SND1: variants seen among roughly 807,000 people sequenced by gnomAD.
SND1 encodes the protein staphylococcal nuclease domain-containing protein 1.
SND1 carries 38 observed loss-of-function variants against 121.7 expected under a neutral mutation model. That is an observed-to-expected ratio of 0.31 (90% CI 0.24 to 0.41). The LOEUF (loss-of-function observed/expected upper bound fraction) is 0.41. SND1 is among the 10% of genes least tolerant of loss of function. The pLI is 1.00. For synonymous variants in SND1, 401 were observed against 447.4 expected, an observed-to-expected ratio of 0.90 and a Z score of 1.31; for missense variants, 868 against 1,184.6, an observed-to-expected ratio of 0.73 and a Z score of 3.92.
chr7:127,858,576 T>C (rs1210476599), intron 12 of SND1: 4 of 374,550 alleles, frequency 1.1e-5, no homozygotes, highest in African/African-American at 2.1e-5. Flanking sequence ...AACACTGACA[T>C]TGGGTTTGGT....
At position 128,029,830 on chromosome 7, in the gene SND1, G is replaced by C; in HGVS notation, c.1779+38774G>C. ...GAGAGGTTATTGTGGGCCAAGTTGA[G>C]TTCCACAAGTGAAGCCAGCCCGTCA... On this transcript the variant is annotated intron_variant, in intron 16 of 23. Coordinates refer to ENST00000354725, the MANE Select transcript of SND1 (RefSeq NM_014390.4). The surrounding 1 kb of genome is among the most constrained non-coding windows in gnomAD (Gnocchi z 4.2). 6.2e-7 allele frequency: 1 copy of C among 1,613,660 alleles called. No homozygotes were observed. The highest frequency in any genetic ancestry group is 8.5e-7 in the Non-Finnish European group (1 of 1,180,038).
rs1562894473 is a variant in SND1, at chr7:128,085,972, G to A, written c.2304+192G>A. ...AAACTGGGGTCTATGACCAGTGGCT[G>A]CAAGCACTGATAGGTCCCGCATCCA... On this transcript the variant is annotated intron_variant, in intron 20 of 23. Transcript: ENST00000354725. The surrounding 1 kb of genome is among the most constrained non-coding windows in gnomAD (Gnocchi z 4.4). Among the ~76,000 whole-genome samples the A allele has an allele frequency of 6.6e-6, 1 of 152,202 alleles. No individual in the cohort carries two copies. The highest frequency in any genetic ancestry group is 2.1e-4 in the South Asian group (1 of 4,838).
intron 16 of SND1, among the ~76,000 whole-genome samples, chr7:128,039,277 T>C (rs1792807614): frequency 6.6e-6 from 1 of 152,204 alleles, no homozygotes; most frequent in Non-Finnish European, 1.5e-5. Flanking sequence ...TTATGGGCTG[T>C]CTATTGTGCA....
intron 16 of SND1, chr7:128,031,553 G>A (rs1225335940): frequency 6.6e-6 from 1 of 150,984 alleles, no homozygotes; most frequent in Non-Finnish European, 1.5e-5. Flanking sequence ...GACAAAAACG[G>A]GGGGTCAGTT....
chr7:127,966,621 T>C (rs1801859845), intron 15 of SND1, among the ~76,000 whole-genome samples: 1 of 80,692 alleles, frequency 1.2e-5, no homozygotes, highest in Non-Finnish European at 2.4e-5. Context: ...CATAACGAAA[T>C]GAAGGCAGAA....
chr7:127,935,797 G>A (rs964358245), intron 15 of SND1, among the ~76,000 whole-genome samples: 1 of 152,208 alleles, frequency 6.6e-6, no homozygotes, highest in South Asian at 2.1e-4. Context: ...ATGTCTCTTT[G>A]CAGTAAGGAG....
At chr7:127,988,950 G>A (rs1449811334) in intron 15 of SND1, among the ~76,000 whole-genome samples, 1 of 152,132 alleles carries the variant, frequency 6.6e-6, no homozygotes, top group Non-Finnish European at 1.5e-5. Flanking sequence ...CAATGGAATT[G>A]TTTATTTTTC....
chr7:127,821,365 T>C (rs1441782120), intron 11 of SND1, among the ~76,000 whole-genome samples: 1 of 152,224 alleles, frequency 6.6e-6, no homozygotes, highest in Admixed American at 6.5e-5. Flanking sequence ...ACTGACCTGC[T>C]TCAGAGTATG....
At chr7:127,773,620 C>T (rs1232102135) in intron 10 of SND1, among the ~76,000 whole-genome samples, 1 of 151,924 alleles carries the variant, frequency 6.6e-6, no homozygotes, top group Admixed American at 6.6e-5. Flanking sequence ...AAATGGCCAT[C>T]GCTGGGTATG....
At chr7:128,012,696 G>T (rs560548138) in intron 16 of SND1, among the ~76,000 whole-genome samples, 1 of 152,260 alleles carries the variant, frequency 6.6e-6, no homozygotes, top group South Asian at 2.1e-4. Flanking sequence ...CAACCTAAAT[G>T]GAGCTCTGGA....
intron 12 of SND1, among the ~76,000 whole-genome samples, chr7:127,887,556 A>G (rs1239709366): frequency 6.6e-6 from 1 of 151,756 alleles, no homozygotes; most frequent in Non-Finnish European, 1.5e-5. Context: ...TGTGCCTAAT[A>G]TTTTATAGCA....
At chr7:127,873,023 A>T (rs185074287) in intron 12 of SND1, among the ~76,000 whole-genome samples, 4 of 152,230 alleles carry the variant, frequency 2.6e-5, no homozygotes, top group Non-Finnish European at 5.9e-5. Flanking sequence ...CCAGAGATTG[A>T]TATGTTCTTG....
chr7:128,041,738 A>T (rs1392960694), intron 16 of SND1, among the ~76,000 whole-genome samples: 1 of 152,196 alleles, frequency 6.6e-6, no homozygotes, highest in Non-Finnish European at 1.5e-5. Flanking sequence ...ATTTGGCTAG[A>T]ACTCACAGGT....
intron 16 of SND1, among the ~76,000 whole-genome samples, chr7:128,013,330 C>G (rs979054310): frequency 2.0e-5 from 3 of 152,224 alleles, no homozygotes; most frequent in Non-Finnish European, 2.9e-5. Flanking sequence ...GGGCAAGGAC[C>G]AAGTCTTTCA....
At chr7:127,771,498 G>A (rs1041560011) in intron 10 of SND1, among the ~76,000 whole-genome samples, 7 of 152,084 alleles carry the variant, frequency 4.6e-5, no homozygotes, top group Non-Finnish European at 7.4e-5. Context: ...TAAAAGGTAG[G>A]ATTAACTATA....
intron 15 of SND1, among the ~76,000 whole-genome samples, chr7:127,950,535 T>C (rs754192192): frequency 6.6e-5 from 10 of 152,202 alleles, no homozygotes; most frequent in Non-Finnish European, 1.5e-4. Flanking sequence ...AATGCTATTG[T>C]CTGGGAAGGC....
chr7:127,952,210 C>T (rs1382413182), intron 15 of SND1, among the ~76,000 whole-genome samples: 3 of 152,110 alleles, frequency 2.0e-5, no homozygotes, highest in Admixed American at 6.6e-5. Context: ...TACAGGAAAG[C>T]GATGTATATT....
At chr7:128,072,042 G>C (rs322835) in intron 16 of SND1, among the ~76,000 whole-genome samples, 57,344 of 152,120 alleles carry the variant, frequency 0.38, 11,247 homozygotes, top group African/African-American at 0.45. Context: ...CCCAGGTGTG[G>C]CTGCTCATTG....
intron 17 of SND1, among the ~76,000 whole-genome samples, chr7:128,081,123 A>G (rs556221565): frequency 6.6e-6 from 1 of 152,170 alleles, no homozygotes; most frequent in African/African-American, 2.4e-5. Flanking sequence ...CAGCCTCCCA[A>G]GTAGCTGGGA....
Sources: gnomAD v4.1 joint callset for allele counts (sites outside exome capture counted in the v4.1 genomes callset) on GRCh38, gnomAD v4.1.1 for gene constraint, Gnocchi (gnomAD v3.1) non-coding constraint, MANE v1.5 for transcripts, NCBI Gene and HGNC (gene_info 2026-07-23, HGNC 2026-07-21) for gene names.